The following DOCK2 variants were observed in gnomAD, a reference collection of about 807,000 sequenced individuals.
DOCK2 encodes dedicator of cytokinesis 2.
A neutral mutation model predicts 248.9 loss-of-function variants in DOCK2; 87 were observed. The observed-to-expected ratio is 0.35, with a 90% CI of 0.29 to 0.42. The LOEUF (loss-of-function observed/expected upper bound fraction) is 0.42, where lower values mean the gene tolerates loss of function less well. Among genes scored for constraint, DOCK2 ranks in the 10% least tolerant of loss-of-function variants. The probability of loss-of-function intolerance (pLI) is 1.00; values close to 1 mark genes in which losing one functional copy is unlikely to be tolerated. For missense variants in DOCK2, 1,747 were observed against 2,300.2 expected (o/e 0.76, Z 4.92); for synonymous variants, 805 against 821.6 (o/e 0.98, Z 0.35).
intron 23 of DOCK2, among the ~76,000 whole-genome samples, chr5:169,751,010 G>T (rs764664757): frequency 6.6e-6 from 1 of 152,072 alleles, no homozygotes; most frequent in South Asian, 2.1e-4. Context: ...CAGCTTTCTC[G>T]GCCTCAGTTT....
At chr5:170,000,099 T>G (rs574340777) in intron 30 of DOCK2, 6 of 152,178 alleles carry the variant, frequency 3.9e-5, no homozygotes, top group Non-Finnish European at 8.8e-5. Context: ...CAAGAGAGGA[T>G]TTCAAATTCA....
intron 33 of DOCK2, among the ~76,000 whole-genome samples, chr5:170,025,786 CCCTCCCTT>C (rs1471512319): frequency 3.1e-5 from 2 of 65,350 alleles, no homozygotes; most frequent in Non-Finnish European, 6.4e-5. Context: ...CTCCCTCCTT[CCCTCCCTT>C]CCTTCCTTCC....
chr5:169,925,059 T>A (rs1561828373), intron 27 of DOCK2, among the ~76,000 whole-genome samples: 1 of 152,238 alleles, frequency 6.6e-6, no homozygotes, highest in Admixed American at 6.5e-5. Flanking sequence ...TTTTCCTTTT[T>A]AATTTTTCTT....
intron 25 of DOCK2, among the ~76,000 whole-genome samples, chr5:169,800,944 C>CTTTTTCTTTTTTTTTTTTTTTT (rs1766930654): frequency 1.9e-5 from 1 of 53,194 alleles, no homozygotes; most frequent in African/African-American, 1.4e-4. Context: ...TTCTTTCTTT[C>CTTTTTCTTTTTTTTTTTTTTTT]TTTTTTTTTT....
intron 27 of DOCK2, among the ~76,000 whole-genome samples, chr5:169,888,848 C>T (rs60011593): frequency 0.035 from 5,306 of 152,256 alleles, 182 homozygotes; most frequent in African/African-American, 0.089. Flanking sequence ...TTGTCTTTGT[C>T]CCTCCTCTTT....
intron 27 of DOCK2, among the ~76,000 whole-genome samples, chr5:169,926,198 G>A (rs1454618605): frequency 6.6e-6 from 1 of 152,168 alleles, no homozygotes; most frequent in Non-Finnish European, 1.5e-5. Flanking sequence ...ATAGGTAGAC[G>A]CAGGCCCAGT....
rs55660700 is a variant in DOCK2 at position 169,804,437 on chromosome 5, A to AGTGTGTGTGT, written c.2703+1271_2703+1280dup. ...CATATTTGGGGTACAAGAGCTACAA[A>AGTGTGTGTGT]GTGTGTGTGTGTGTGTGTGTGTGTG... On this transcript the variant is annotated intron_variant, in intron 26 of 51. Transcript: ENST00000520908. Among the ~76,000 whole-genome samples, 144 of 134,644 alleles carry AGTGTGTGTGT rather than the reference A, an allele frequency of 1.1e-3. 2 individuals are homozygous for AGTGTGTGTGT. The highest frequency in any genetic ancestry group is 1.4e-3 in the Non-Finnish European group (88 of 63,184). The allele number at this position is 134,644 out of a possible 152,430, so 88.3% of individuals were successfully genotyped here.
At chr5:169,942,866 C>T (rs1218102273) in intron 27 of DOCK2, among the ~76,000 whole-genome samples, 5 of 152,164 alleles carry the variant, frequency 3.3e-5, no homozygotes, top group East Asian at 1.9e-4. Context: ...TGTGTGTGCT[C>T]GCCTCTGAAC....
intron 27 of DOCK2, among the ~76,000 whole-genome samples, chr5:169,930,000 G>A (rs1312359637): frequency 1.3e-5 from 2 of 152,004 alleles, no homozygotes; most frequent in African/African-American, 2.4e-5. Flanking sequence ...TATTTATTTT[G>A]TTTATTTTTG....
At chr5:169,949,305 A>T (rs1175008744) in intron 27 of DOCK2, among the ~76,000 whole-genome samples, 1 of 152,090 alleles carries the variant, frequency 6.6e-6, no homozygotes, top group African/African-American at 2.4e-5. Context: ...GGGAGATCAT[A>T]ATAATGTGGA....
intron 14 of DOCK2, chr5:169,702,692 TG>T (rs1561616260): frequency 3.8e-5 from 9 of 238,978 alleles, no homozygotes; most frequent in Non-Finnish European, 1.5e-5. Context: ...TATGTATGTA[TG>T]TATGTATTTA....
intron 27 of DOCK2, among the ~76,000 whole-genome samples, chr5:169,846,209 GT>G (rs1770291471): frequency 6.6e-6 from 1 of 152,150 alleles, no homozygotes; most frequent in Non-Finnish European, 1.5e-5. Flanking sequence ...AGGATGGCTG[GT>G]TGCAACTCTC....
intron 25 of DOCK2, among the ~76,000 whole-genome samples, chr5:169,797,860 C>T (rs142394170): frequency 4.1e-4 from 63 of 152,274 alleles, no homozygotes; most frequent in African/African-American, 1.2e-3. Flanking sequence ...TGAAGCTTTA[C>T]GACTAATATA....
chr5:170,040,927 A>G, intron 36 of DOCK2, 128 bp from the exon 37 acceptor site: 3 of 692,340 alleles, frequency 4.3e-6, no homozygotes, highest in Non-Finnish European at 7.1e-6. Flanking sequence ...AGTTCTGGTT[A>G]TCCAGGGAGG....
intron 27 of DOCK2, among the ~76,000 whole-genome samples, chr5:169,964,811 T>C (rs1777235598): frequency 6.6e-6 from 1 of 152,216 alleles, no homozygotes; most frequent in Non-Finnish European, 1.5e-5. Flanking sequence ...AATAATGGCA[T>C]CTACTTCTCA....
chr5:170,014,089 G>T (rs1473936506), intron 32 of DOCK2, among the ~76,000 whole-genome samples: 1 of 152,144 alleles, frequency 6.6e-6, no homozygotes. Context: ...CAGGGCTGAA[G>T]GAAAGACAGG....
chr5:169,794,891 C>G (rs1454531124), intron 25 of DOCK2, among the ~76,000 whole-genome samples: 2 of 152,184 alleles, frequency 1.3e-5, no homozygotes, highest in Non-Finnish European at 2.9e-5. Flanking sequence ...CCACTGCACT[C>G]CAGCCTGGGT....
intron 26 of DOCK2, among the ~76,000 whole-genome samples, chr5:169,821,659 C>A (rs1469595840): frequency 1.3e-5 from 2 of 152,158 alleles, no homozygotes; most frequent in African/African-American, 4.8e-5. Context: ...CCAGCCACTG[C>A]AAAAACATGT....
intron 27 of DOCK2, chr5:169,882,761 G>A: frequency 6.4e-7 from 1 of 1,551,720 alleles, no homozygotes; most frequent in Non-Finnish European, 8.7e-7. Flanking sequence ...AGAGAGGATG[G>A]GAGATGATTA....
Sources: gnomAD v4.1 joint callset for allele counts (sites outside exome capture counted in the v4.1 genomes callset) on GRCh38, gnomAD v4.1.1 for gene constraint, MANE v1.5 for transcripts, NCBI Gene and HGNC (gene_info 2026-07-23, HGNC 2026-07-21) for gene names.